CD109: variants seen among roughly 807,000 people sequenced by gnomAD.
The protein encoded by CD109 is CD109 molecule.
In CD109, 149 loss-of-function variants were observed where a neutral mutation model predicts 165.8. The observed-to-expected ratio is 0.90, with a 90% confidence interval of 0.79 to 1.03. CD109 has a LOEUF of 1.03. CD109 is among the 50% of genes least tolerant of loss of function. The probability of loss-of-function intolerance (pLI) is 0.00; values close to 1 mark genes in which losing one functional copy is unlikely to be tolerated. For synonymous variants in CD109, 585 were observed against 592.1 expected (o/e 0.99, Z 0.18); for missense variants, 1,712 against 1,677.8 (o/e 1.02, Z -0.36).
intron 5 of CD109, among the ~76,000 whole-genome samples, chr6:73,745,364 C>A (rs2150200109): frequency 6.6e-6 from 1 of 152,312 alleles, no homozygotes; most frequent in South Asian, 2.1e-4. Context: ...CCTGGCCTCC[C>A]AAAGTGCTGG....
chr6:73,711,278 T>C (rs1026559368), intron 2 of CD109, among the ~76,000 whole-genome samples: 1 of 152,188 alleles, frequency 6.6e-6, no homozygotes, highest in Non-Finnish European at 1.5e-5. Flanking sequence ...GTGTTTAACC[T>C]GCTTTTTTTT....
chr6:73,791,194 T>TATATATATATATATATACACATAC (rs1562071136), intron 22 of CD109, among the ~76,000 whole-genome samples: 20 of 7,882 alleles, frequency 2.5e-3, no homozygotes, highest in East Asian at 0.015. Flanking sequence ...CACACATACA[T>TATATATATATATATATACACATAC]ATATATATAT....
At chr6:73,730,994 TGA>T (rs934813281) in intron 4 of CD109, among the ~76,000 whole-genome samples, 3 of 151,950 alleles carry the variant, frequency 2.0e-5, no homozygotes, top group African/African-American at 4.8e-5. Flanking sequence ...TGTGTGTGTA[TGA>T]GAGAGAAAAA....
intron 24 of CD109, chr6:73,804,032 G>A (rs979117047): frequency 1.6e-4 from 25 of 152,272 alleles, no homozygotes; most frequent in African/African-American, 3.1e-4. Flanking sequence ...GCCACAGCCC[G>A]GAAAGAGGAG....
At chr6:73,819,156 C>T (rs1776033131) in intron 31 of CD109, among the ~76,000 whole-genome samples, 1 of 152,200 alleles carries the variant, frequency 6.6e-6, no homozygotes, top group South Asian at 2.1e-4. Flanking sequence ...GTCTTAATTA[C>T]ACATTTTAAA....
intron 2 of CD109, among the ~76,000 whole-genome samples, chr6:73,713,761 T>C (rs1771619127): frequency 1.3e-5 from 2 of 152,250 alleles, no homozygotes; most frequent in African/African-American, 4.8e-5. Flanking sequence ...TGAAATGAGA[T>C]TTCCTGCACT....
intron 23 of CD109, among the ~76,000 whole-genome samples, chr6:73,795,667 G>A (rs545536228): frequency 2.6e-5 from 4 of 152,278 alleles, no homozygotes; most frequent in African/African-American, 9.6e-5. Flanking sequence ...AATGCCGAGC[G>A]CTACAGCTGT....
At chr6:73,813,293 T>A (rs1012114809) in intron 29 of CD109, among the ~76,000 whole-genome samples, 6 of 152,122 alleles carry the variant, frequency 3.9e-5, no homozygotes, top group Admixed American at 2.0e-4. Context: ...CAAGAGTAAA[T>A]CCAGAAGTAA....
chr6:73,726,802 T>C (rs1360650394), intron 3 of CD109, among the ~76,000 whole-genome samples: 1 of 152,226 alleles, frequency 6.6e-6, no homozygotes, highest in African/African-American at 2.4e-5. Context: ...TGATATTCTG[T>C]TGGTCAAAGC....
chr6:73,812,418 T>C lies in CD109; in HGVS notation c.3768+148T>C, dbSNP rs192596487. On this transcript the variant is annotated intron_variant, in intron 29 of 32. Transcript: ENST00000287097. ...AAGCAAGATATATCACTGTCTTTAA[T>C]AAAAAGTATTAGAGATGTTGCCAGC... The C allele has an allele frequency of 1.2e-5, 7 of 561,280 alleles. No homozygotes were observed. In the East Asian group the frequency reaches 2.1e-4, roughly 17 times the overall value. 34.8% of individuals were successfully genotyped at this position (561,280 alleles called of 1,614,324 possible).
At chr6:73,700,213 G>A (rs1582027612) in intron 2 of CD109, among the ~76,000 whole-genome samples, 1 of 152,102 alleles carries the variant, frequency 6.6e-6, no homozygotes, top group African/African-American at 2.4e-5. Context: ...TCCTGAATCA[G>A]CTGGGACTAC....
At chr6:73,687,421 GCT>G in the CD109 span, among the ~76,000 whole-genome samples, 1 of 148,390 alleles carries the variant, frequency 6.7e-6, no homozygotes, top group Non-Finnish European at 1.5e-5. Flanking sequence ...TCACATGCAT[GCT>G]CTCTCTCTTC....
intron 2 of CD109, among the ~76,000 whole-genome samples, chr6:73,718,296 G>A (rs1178881180): frequency 1.3e-5 from 2 of 152,116 alleles, no homozygotes; most frequent in Non-Finnish European, 2.9e-5. Flanking sequence ...TTGAGTAACA[G>A]TGGTGAAAGT....
Position 73,823,770 on chromosome 6 carries a change from C to T in CD109, c.*137C>T, listed in dbSNP as rs1776184671. 1 of 705,490 alleles carries T rather than the reference C, an allele frequency of 1.4e-6. No individual in the cohort carries two copies. Among genetic ancestry groups the T allele is most frequent in the Non-Finnish European group, 2.3e-6 (1 of 428,698 alleles). The allele number at this position is 705,490 out of a possible 1,614,324, so 43.7% of individuals were successfully genotyped here. ...TCTATGGGGTTGCAGGGATGGTGTA[C>T]AACAGGTCCTAGCATGTATAGCTGC... On this transcript the variant is annotated 3_prime_UTR_variant, in exon 33 of 33. Transcript: ENST00000287097.
chr6:73,819,247 C>T (rs1180236611), intron 31 of CD109, among the ~76,000 whole-genome samples: 1 of 152,212 alleles, frequency 6.6e-6, no homozygotes, highest in African/African-American at 2.4e-5. Context: ...TCATGGAAGA[C>T]TATTCTCAGA....
At chr6:73,736,711 T>C (rs1329137898) in intron 5 of CD109, among the ~76,000 whole-genome samples, 2 of 152,230 alleles carry the variant, frequency 1.3e-5, no homozygotes, top group Non-Finnish European at 2.9e-5. Context: ...TTTTCATAAC[T>C]GTTGTCTTTT....
chr6:73,812,640 A>T (rs1775793156), intron 29 of CD109, among the ~76,000 whole-genome samples: 1 of 152,098 alleles, frequency 6.6e-6, no homozygotes, highest in Admixed American at 6.6e-5. Context: ...TGAGGGGAGG[A>T]ATTGTGTCCC....
chr6:73,688,171 G>T, the CD109 span, among the ~76,000 whole-genome samples: 1 of 129,796 alleles, frequency 7.7e-6, no homozygotes, highest in East Asian at 2.2e-4. Context: ...GATTTTTTTT[G>T]GAAAACATAC....
rs1775588312 is a variant in CD109 at position 73,806,967 on chromosome 6, G to T, written c.3084G>T (p.Trp1028Cys). 6.2e-7 allele frequency: 1 copy of T among 1,613,972 alleles called. No individual in the cohort carries two copies. The highest frequency in any genetic ancestry group is 8.5e-7 in the Non-Finnish European group (1 of 1,179,956). Residue 1028 changes from tryptophan to cysteine, a missense_variant, in exon 25 of 33, where the codon TGG becomes TGT. By Grantham distance (215) the Trp-to-Cys change is radical. Coordinates refer to ENST00000287097, the MANE Select transcript of CD109 (RefSeq NM_133493.5). ...ATCAGAAATCCAACGGTGAATTTTG[G>T]GATCCAGGAAGAGTGATTCATAGTG... ...KGHQKSNGEF[W>C]DPGRVIHSEL...
Sources: allele counts gnomAD v4.1 joint callset (sites outside exome capture counted in the v4.1 genomes callset), GRCh38; gene constraint gnomAD v4.1.1; transcripts MANE v1.5; gene names NCBI Gene and HGNC (gene_info 2026-07-23, HGNC 2026-07-21).